Variants in RAB24 observed in about 807,000 individuals in gnomAD.
The protein encoded by RAB24 is RAB24, member RAS oncogene family.
RAB24 carries 9 observed loss-of-function variants against 31.4 expected under a neutral mutation model. The observed-to-expected ratio is 0.29, with a 90% confidence interval of 0.17 to 0.50. The LOEUF (loss-of-function observed/expected upper bound fraction) is 0.50. Among genes scored for constraint, RAB24 ranks in the 20% least tolerant of loss-of-function variants. RAB24 has a pLI of 0.98. For missense variants in RAB24, 197 were observed against 265.2 expected (o/e 0.74, Z 1.79); for synonymous variants, 106 against 94.1 (o/e 1.13, Z -0.73).
rs1581583810 is a variant in RAB24 at position 177,303,578 on chromosome 5, C to T, written c.-290G>A. The T allele has an allele frequency of 4.6e-5, 24 of 523,908 alleles. No individual in the cohort carries two copies. The East Asian group carries it at 7.8e-4, about 17-fold the overall frequency. The allele number at this position is 523,908 out of a possible 1,614,324, so 32.5% of individuals were successfully genotyped here. ...CAGCGTCCTCAACAGCGCAGCACGCCGCCGTGCAGCTCGCTACTCCGTCAT... is the reference window on the plus strand; with the variant it reads ...CAGCGTCCTCAACAGCGCAGCACGCTGCCGTGCAGCTCGCTACTCCGTCAT... On this transcript the variant is annotated 5_prime_UTR_variant, in exon 1 of 8. Transcript: ENST00000303251. This position sits in a 1 kb window ranked among gnomAD's most constrained non-coding sequence, Gnocchi z 6.1.
chr5:177,302,620 TCAAAGCTGCTGCTGTCTGTG>T lies in RAB24; in HGVS notation c.270_289del (p.Thr91AlafsTer26). The T allele has an allele frequency of 6.2e-7, 1 of 1,614,098 alleles. No homozygotes were observed. On this transcript the variant is annotated frameshift_variant, in exon 4 of 8. Coordinates refer to ENST00000303251, the MANE Select transcript of RAB24 (RefSeq NM_001031677.4). LOFTEE classifies it high-confidence loss of function. The stretch of plus-strand genomic sequence containing the variant: ...TTCCTTCACCCAGAACTTTGCTCGC[TCAAAGCTGCTGCTGTCTGTG>T]AGGTCTTGGTGTGCGGCATGCAGGA...
At chr5:177,302,986 G>T (rs201815375) in intron 2 of RAB24, 23 bp downstream of exon 2, 1 of 1,612,604 alleles carries the variant, frequency 6.2e-7, no homozygotes, top group Non-Finnish European at 8.5e-7. Flanking sequence ...AGTCTCCCAA[G>T]AATAGATGGC....
At position 177,302,777 on chromosome 5, in the gene RAB24, A is replaced by AC; in HGVS notation, c.239dup (p.Ala81CysfsTer9). 8.8e-7 allele frequency: 1 copy of AC among 1,131,310 alleles called. No homozygotes were observed. Among genetic ancestry groups the AC allele is most frequent in the Non-Finnish European group, 1.2e-6 (1 of 808,864 alleles). 70.1% of individuals were successfully genotyped at this position (1,131,310 alleles called of 1,614,324 possible). On this transcript the variant is annotated frameshift_variant, in exon 3 of 8. Transcript: ENST00000303251. LOFTEE classifies it high-confidence loss of function. ...CATAGCAGACGATGGCAGCCTTGGC[A>AC]CCCCGATAGTAGATTCTACTCATGG...
At position 177,301,510 on chromosome 5, in the gene RAB24, A is replaced by T; in HGVS notation, c.*233T>A. The T allele has an allele frequency of 1.7e-6, 1 of 581,276 alleles. No homozygotes were observed. Among genetic ancestry groups the T allele is most frequent in the East Asian group, 2.8e-5 (1 of 35,210 alleles). The allele number at this position is 581,276 out of a possible 1,614,324, so 36.0% of individuals were successfully genotyped here. On this transcript the variant is annotated 3_prime_UTR_variant, in exon 8 of 8. Coordinates refer to ENST00000303251, the MANE Select transcript of RAB24 (RefSeq NM_001031677.4). ...CAAAAGCCACTTAAATAATCTGCAG[A>T]CACAAGTGCTGTCCAGGGCAGAAGC...
At chr5:177,302,695 G>C (rs1371018008) in intron 3 of RAB24, 51 bp from the exon 4 acceptor site, 1 of 1,613,118 alleles carries the variant, frequency 6.2e-7, no homozygotes, top group East Asian at 2.2e-5. Flanking sequence ...GCTGTTCTCT[G>C]GCTAGCCTGG....
chr5:177,301,759 C>A lies in RAB24; in HGVS notation c.596G>T (p.Ser199Ile), dbSNP rs1452262442. 1 of 1,614,218 alleles carries A rather than the reference C, an allele frequency of 6.2e-7. No individual in the cohort carries two copies. Among genetic ancestry groups the A allele is most frequent in the Admixed American group, 1.7e-5 (1 of 60,026 alleles). Residue 199 changes from serine to isoleucine, a missense_variant, in exon 8 of 8, where the codon AGC (serine) becomes ATC (isoleucine). Physicochemically the swap from Ser to Ile is moderately radical, Grantham distance 142. Coordinates refer to ENST00000303251, the MANE Select transcript of RAB24 (RefSeq NM_001031677.4). ...AGTGCTGACTCAGTGATGACAACAG[C>A]TGTAGAAGTAGGGGTTTGGCTTCTG... Reference protein sequence around the residue: ...LGQKPNPYFYSCCHH With the variant: ...LGQKPNPYFYICCHH
At position 177,302,390 on chromosome 5, in the gene RAB24, C is replaced by T; in HGVS notation, c.433+7G>A. On this transcript the variant is annotated splice_region_variant and intron_variant, in intron 5 of 7. Coordinates refer to ENST00000303251, the MANE Select transcript of RAB24 (RefSeq NM_001031677.4). ...CCCCACCCCCCAAAGGGCTGAGGAG[C>T]AGCTACTGTCTGCATAGTCCTGGAC... The T allele has an allele frequency of 6.2e-7, 1 of 1,612,978 alleles. No individual in the cohort carries two copies. Among genetic ancestry groups the T allele is most frequent in the Non-Finnish European group, 8.5e-7 (1 of 1,179,902 alleles).
At position 177,303,630 on chromosome 5, in the gene RAB24, G is replaced by C. The variant is rs1760764499; in HGVS notation, c.-342C>G. ...CGCTCGCCTGCCCGGCTTAAGCTCC[G>C]TTCTGGCTGGGAATCCCAACCGAAC... On this transcript the variant is annotated 5_prime_UTR_variant, in exon 1 of 8. Coordinates refer to ENST00000303251, the MANE Select transcript of RAB24 (RefSeq NM_001031677.4). The surrounding 1 kb of genome is among the most constrained non-coding windows in gnomAD (Gnocchi z 6.1). 1 of 425,240 alleles carries C rather than the reference G, an allele frequency of 2.4e-6. No homozygotes were observed. The highest frequency in any genetic ancestry group is 4.2e-6 in the Non-Finnish European group (1 of 237,682). 26.3% of individuals were successfully genotyped at this position (425,240 alleles called of 1,614,324 possible).
intron 5 of RAB24, 62 bp from the exon 6 acceptor site, chr5:177,302,240 G>T: frequency 6.3e-7 from 1 of 1,595,518 alleles, no homozygotes; most frequent in South Asian, 1.1e-5. Flanking sequence ...AAAAGGGAGG[G>T]CTAGCAGTTC....
chr5:177,302,300 G>T, intron 5 of RAB24, 97 bp downstream of exon 5: 1 of 1,559,730 alleles, frequency 6.4e-7, no homozygotes, highest in South Asian at 1.1e-5. Context: ...AGACCTCCTA[G>T]AGCACCTTGC....
At position 177,302,080 on chromosome 5, in the gene RAB24, C is replaced by T. The variant is rs868024357; in HGVS notation, c.484+48G>A. The T allele has an allele frequency of 3.7e-6, 6 of 1,611,982 alleles. No homozygotes were observed. In the Middle Eastern group the frequency reaches 4.9e-4, roughly 133 times the overall value. ...CCCTCTGTGCCCTATTCAGCTTCCT[C>T]TGGTGCCCCTGCATGTTCCTGCTGT... On this transcript the variant is annotated intron_variant, in intron 6 of 7. Coordinates refer to ENST00000303251, the MANE Select transcript of RAB24 (RefSeq NM_001031677.4).
At position 177,301,382 on chromosome 5, in the gene RAB24, C is replaced by A; in HGVS notation, c.*361G>T. The A allele has an allele frequency of 3.7e-6, 1 of 267,366 alleles. No homozygotes were observed. Among genetic ancestry groups the A allele is most frequent in the Non-Finnish European group, 7.3e-6 (1 of 137,610 alleles). 16.6% of individuals were successfully genotyped at this position (267,366 alleles called of 1,614,324 possible). A position where few individuals can be genotyped will look rare whatever the true frequency, so the allele number is the denominator to read the frequency against. ...GGAGCCTTAATATAAGCAGTGAGGC[C>A]AGCCGGGTGGCCCCAGGAAGAACTA... is the stretch of plus-strand genomic sequence containing the variant. On this transcript the variant is annotated 3_prime_UTR_variant, in exon 8 of 8. Coordinates refer to ENST00000303251, the MANE Select transcript of RAB24 (RefSeq NM_001031677.4).
chr5:177,302,009 A>G, intron 6 of RAB24, 22 bp from the exon 7 acceptor site: 1 of 1,613,848 alleles, frequency 6.2e-7, no homozygotes, highest in Admixed American at 1.7e-5. Context: ...AATGATGATC[A>G]GCGAGGGCCC....
rs1161776993 is a variant in RAB24, at chr5:177,303,166, A to G, written c.117+6T>C. ...CACCGTGCCTGGCCCCTCCGGATGC[A>G]CTCACGTTCTGATAAGGCCCCACCA... On this transcript the variant is annotated splice_donor_region_variant and intron_variant, in intron 1 of 7. Transcript: ENST00000303251. This position sits in a 1 kb window ranked among gnomAD's most constrained non-coding sequence, Gnocchi z 6.1. 6.2e-7 allele frequency: 1 copy of G among 1,612,874 alleles called. No individual in the cohort carries two copies. Among genetic ancestry groups the G allele is most frequent in the Non-Finnish European group, 8.5e-7 (1 of 1,179,766 alleles).
At position 177,301,482 on chromosome 5, in the gene RAB24, G is replaced by C. The variant is rs530814946; in HGVS notation, c.*261C>G. 4 of 542,566 alleles carry C rather than the reference G, an allele frequency of 7.4e-6. No individual in the cohort carries two copies. In the Admixed American group the frequency reaches 9.5e-5, roughly 13 times the overall value. 33.6% of individuals were successfully genotyped at this position (542,566 alleles called of 1,614,324 possible). ...GCACAGTGCACTGATTTTATTTACA[G>C]ATCAAAAGCCACTTAAATAATCTGC... is the stretch of plus-strand genomic sequence containing the variant. On this transcript the variant is annotated 3_prime_UTR_variant, in exon 8 of 8. Transcript: ENST00000303251.
intron 2 of RAB24, 87 bp from the exon 3 acceptor site, chr5:177,302,917 G>C (rs1314636015): frequency 6.3e-7 from 1 of 1,587,124 alleles, no homozygotes; most frequent in East Asian, 2.2e-5. Context: ...TATGAGAAAT[G>C]GGTCTGTGAG....
Position 177,302,773 on chromosome 5 carries a change from T to C in RAB24, c.244A>G (p.Lys82Glu). 9.3e-7 allele frequency: 1 copy of C among 1,071,190 alleles called. No individual in the cohort carries two copies. Among genetic ancestry groups the C allele is most frequent in the Non-Finnish European group, 1.3e-6 (1 of 745,732 alleles). 66.4% of individuals were successfully genotyped at this position (1,071,190 alleles called of 1,614,324 possible). A position where few individuals can be genotyped will look rare whatever the true frequency, so the allele number is the denominator to read the frequency against. ...AMSRIYYRGA[K>E]AAIVCYDLTD... ...TTACCATAGCAGACGATGGCAGCCT[T>C]GGCACCCCGATAGTAGATTCTACTC... Residue 82 changes from lysine to glutamate, a missense_variant, in exon 3 of 8, where the codon AAG (lysine) becomes GAG (glutamate). Lys to Glu is a moderately conservative substitution (Grantham distance 56, BLOSUM62 1). This residue lies in a region of RAB24 where 148 missense variants were observed against 159.7 expected (regional missense o/e 0.93). Coordinates refer to ENST00000303251, the MANE Select transcript of RAB24 (RefSeq NM_001031677.4).
Position 177,301,716 on chromosome 5 carries a change from A to C in RAB24, c.*27T>G, listed in dbSNP as rs368900261. 4.8e-5 allele frequency: 77 copies of C among 1,613,238 alleles called. No individual in the cohort carries two copies. Among genetic ancestry groups the C allele is most frequent in the Non-Finnish European group, 6.2e-5 (73 of 1,179,306 alleles). ...CCAGCCCTTACGGGGAATTCCTTTA[A>C]TTCCCCCAGGCCAGGTGAGTGCTGA... On this transcript the variant is annotated 3_prime_UTR_variant, in exon 8 of 8. Transcript: ENST00000303251.
In RAB24 at chr5:177,303,694, G is replaced by T. The variant is rs916612471; in HGVS notation, c.-406C>A. 2.8e-6 allele frequency: 1 copy of T among 360,096 alleles called. No individual in the cohort carries two copies. The highest frequency in any genetic ancestry group is 5.0e-6 in the Non-Finnish European group (1 of 200,876). 22.3% of individuals were successfully genotyped at this position (360,096 alleles called of 1,614,324 possible). ...CAACCCGGCTCCTACCCGCAGCGCCGCGACTCCCGCGGGAGGGGGCTAGAG... is the reference window on the plus strand; with the variant it reads ...CAACCCGGCTCCTACCCGCAGCGCCTCGACTCCCGCGGGAGGGGGCTAGAG... On this transcript the variant is annotated 5_prime_UTR_variant, in exon 1 of 8. Coordinates refer to ENST00000303251, the MANE Select transcript of RAB24 (RefSeq NM_001031677.4). This position sits in a 1 kb window ranked among gnomAD's most constrained non-coding sequence, Gnocchi z 6.1.
Sources: allele counts gnomAD v4.1 joint callset, GRCh38; gene constraint gnomAD v4.1.1; regional missense constraint gnomAD v4.1.1; non-coding constraint Gnocchi (gnomAD v3.1); transcripts MANE v1.5; gene names NCBI Gene and HGNC (gene_info 2026-07-23, HGNC 2026-07-21).